The following PRKAG2 variants were observed in gnomAD, a reference collection of about 807,000 sequenced individuals.
PRKAG2 encodes the protein protein kinase AMP-activated non-catalytic subunit gamma 2, also known as 5'-AMP-activated protein kinase subunit gamma-2.
In PRKAG2, 26 loss-of-function variants were observed where a neutral mutation model predicts 69.6. That is an observed-to-expected ratio of 0.37 (90% CI 0.27 to 0.52). The LOEUF is 0.52. Ranked by LOEUF, PRKAG2 falls within the 20% of genes least tolerant of loss-of-function variation. The pLI, the probability that PRKAG2 is intolerant of heterozygous loss-of-function variation, is 0.90. For missense variants in PRKAG2, 557 were observed against 740.0 expected (o/e 0.75, Z 2.87); for synonymous variants, 293 against 285.0 (o/e 1.03, Z -0.28).
At chr7:151,615,283 G>A (rs976642877) in intron 5 of PRKAG2, among the ~76,000 whole-genome samples, 2 of 152,154 alleles carry the variant, frequency 1.3e-5, no homozygotes, top group Non-Finnish European at 2.9e-5. Flanking sequence ...ACCACTGATG[G>A]GCATTTAGTT....
rs1250927715 is a variant in PRKAG2 at position 151,791,448 on chromosome 7, C to T, written c.115-4907G>A. Among the ~76,000 whole-genome samples the T allele has an allele frequency of 2.0e-5, 3 of 152,322 alleles. No homozygotes were observed. The East Asian group carries it at 5.8e-4, about 29-fold the overall frequency. On this transcript the variant is annotated intron_variant, in intron 1 of 15. Coordinates refer to ENST00000287878, the MANE Select transcript of PRKAG2 (RefSeq NM_016203.4). Reference sequence around the variant, plus strand: ...CCAGTCCAGTCCCTCACTTCCTCTTCCCGTCTGCCGGCCACTCAGGCCCTC... The same window carrying T: ...CCAGTCCAGTCCCTCACTTCCTCTTTCCGTCTGCCGGCCACTCAGGCCCTC...
intron 5 of PRKAG2, 59 bp from the exon 6 acceptor site, chr7:151,595,513 G>C (rs922557003): frequency 8.7e-7 from 1 of 1,144,740 alleles, no homozygotes; most frequent in Non-Finnish European, 1.3e-6. Flanking sequence ...ATCGGATGAA[G>C]AGCATATACG....
intron 6 of PRKAG2, among the ~76,000 whole-genome samples, chr7:151,593,441 G>C (rs1813717310): frequency 6.6e-6 from 1 of 152,112 alleles, no homozygotes; most frequent in Admixed American, 6.6e-5. Context: ...TGATCTGCCC[G>C]CCTTGGCCTC....
rs566216639 is a variant in PRKAG2, at chr7:151,705,869, G to A, written c.467-30232C>T. Among the ~76,000 whole-genome samples, 332 of 152,122 alleles carry A rather than the reference G, an allele frequency of 2.2e-3. 1 individual carries two copies. Among genetic ancestry groups the A allele is most frequent in the African/African-American group, 7.4e-3 (308 of 41,492 alleles). ...TAGCCGATCTCATCTCACCCGCTGC[G>A]TTTTATTTGACATTCCTACACATGT... On this transcript the variant is annotated intron_variant, in intron 3 of 15. Transcript: ENST00000287878.
chr7:151,612,963 C>A (rs940842937), intron 5 of PRKAG2, among the ~76,000 whole-genome samples: 1 of 152,264 alleles, frequency 6.6e-6, no homozygotes, highest in South Asian at 2.1e-4. Context: ...GGAGTAACCA[C>A]CTGCCTCCTC....
intron 3 of PRKAG2, among the ~76,000 whole-genome samples, chr7:151,690,652 A>C (rs1189359098): frequency 6.6e-6 from 1 of 152,228 alleles, no homozygotes; most frequent in East Asian, 1.9e-4. Flanking sequence ...GAATCAGTGC[A>C]TGAAAAATGA....
At chr7:151,576,297 A>G in intron 7 of PRKAG2, 74 bp downstream of exon 7, 1 of 1,285,608 alleles carries the variant, frequency 7.8e-7, no homozygotes, top group Non-Finnish European at 1.1e-6. Context: ...CCAAACCGGC[A>G]TCTATTAAAA....
At chr7:151,738,875 T>C (rs969487486) in intron 3 of PRKAG2, among the ~76,000 whole-genome samples, 5 of 152,194 alleles carry the variant, frequency 3.3e-5, no homozygotes, top group African/African-American at 7.2e-5. Context: ...ACTGGAGTTG[T>C]TGGCCCAGTC....
chr7:151,740,467 C>A (rs879408442), intron 3 of PRKAG2, among the ~76,000 whole-genome samples: 1 of 152,194 alleles, frequency 6.6e-6, no homozygotes, highest in Non-Finnish European at 1.5e-5. Context: ...GGCAGCCTGC[C>A]CACACCTTTG....
At chr7:151,876,186 C>T (rs1249056601) in intron 1 of PRKAG2, among the ~76,000 whole-genome samples, 1 of 152,088 alleles carries the variant, frequency 6.6e-6, no homozygotes, top group Non-Finnish European at 1.5e-5. Context: ...ACGCACCGCC[C>T]CCCGCACCCG....
At chr7:151,755,039 C>T (rs922010943) in intron 3 of PRKAG2, among the ~76,000 whole-genome samples, 1 of 152,116 alleles carries the variant, frequency 6.6e-6, no homozygotes, top group Non-Finnish European at 1.5e-5. Flanking sequence ...GATGGAGACC[C>T]CGTGAAGCCC....
intron 3 of PRKAG2, among the ~76,000 whole-genome samples, chr7:151,691,496 A>AG (rs1410295611): frequency 1.3e-5 from 2 of 152,152 alleles, no homozygotes; most frequent in East Asian, 3.8e-4. Flanking sequence ...AAAAAAAAAA[A>AG]AAAGTGGACA....
At chr7:151,565,424 A>G (rs1336902368) in intron 12 of PRKAG2, 41 bp from the exon 13 acceptor site, 8 of 1,257,814 alleles carry the variant, frequency 6.4e-6, no homozygotes, top group Non-Finnish European at 8.9e-6. Context: ...GTCTTAAGGG[A>G]CAAAAAGAAA....
chr7:151,764,662 A>T (rs779150484), intron 3 of PRKAG2, among the ~76,000 whole-genome samples: 18 of 152,190 alleles, frequency 1.2e-4, no homozygotes, highest in Non-Finnish European at 2.5e-4. Flanking sequence ...AGACCTCATG[A>T]CCTATTCACA....
At chr7:151,560,080 A>G (rs1389065946) in intron 15 of PRKAG2, 1 of 984,758 alleles carries the variant, frequency 1.0e-6, no homozygotes, top group East Asian at 1.1e-4. Context: ...ATTAATGAAT[A>G]AAAGTTTGTG....
chr7:151,573,221 G>A (rs1422803693), intron 8 of PRKAG2, among the ~76,000 whole-genome samples: 3 of 150,878 alleles, frequency 2.0e-5, no homozygotes, highest in Admixed American at 1.3e-4. Context: ...GCACAAGTGC[G>A]ATCATGACTC....
intron 5 of PRKAG2, among the ~76,000 whole-genome samples, chr7:151,624,347 C>T (rs942131174): frequency 4.0e-5 from 6 of 151,828 alleles, no homozygotes; most frequent in East Asian, 1.9e-4. Context: ...GAGAGGGTTT[C>T]GCCATGTTGC....
intron 14 of PRKAG2, among the ~76,000 whole-genome samples, chr7:151,561,682 C>T (rs552374552): frequency 6.6e-6 from 1 of 152,312 alleles, no homozygotes; most frequent in East Asian, 1.9e-4. Flanking sequence ...CCTGTAATCC[C>T]AGCACTTTGG....
chr7:151,823,368 C>T (rs1016995080), intron 1 of PRKAG2, among the ~76,000 whole-genome samples: 3 of 151,572 alleles, frequency 2.0e-5, no homozygotes, highest in Non-Finnish European at 4.4e-5. Flanking sequence ...AAAGTGCTTG[C>T]ACCCGCAAAA....
Sources: gnomAD v4.1 joint callset for allele counts (sites outside exome capture counted in the v4.1 genomes callset) on GRCh38, gnomAD v4.1.1 for gene constraint, MANE v1.5 for transcripts, NCBI Gene and HGNC (gene_info 2026-07-23, HGNC 2026-07-21) for gene names.